Variants in VPS37D observed in about 807,000 individuals in gnomAD.
VPS37D encodes the protein VPS37D subunit of ESCRT-I.
Under a neutral mutation model 22.0 loss-of-function variants are expected in VPS37D, and 5 were observed. That is an observed-to-expected ratio of 0.23 (90% CI 0.12 to 0.48). The LOEUF is 0.48. Ranked by LOEUF, VPS37D falls within the 20% of genes least tolerant of loss-of-function variation. VPS37D has a pLI of 0.99. For synonymous variants in VPS37D, 174 were observed against 159.3 expected (o/e 1.09, Z -0.69); for missense variants, 384 against 345.8 (o/e 1.11, Z -0.88).
At chr7:73,669,999 C>G in intron 2 of VPS37D, 21 bp from the exon 3 acceptor site, 1 of 1,551,594 alleles carries the variant, frequency 6.4e-7, no homozygotes, top group South Asian at 1.2e-5. Flanking sequence ...GTCTGTCACT[C>G]TGTCCCTCTG....
rs1210166917 is a variant in VPS37D, at chr7:73,671,456, G to T, written c.*80G>T. On this transcript the variant is annotated 3_prime_UTR_variant, in exon 4 of 4. Transcript: ENST00000324941. ...CCTCCTCCTCCCCCACTGCCTGGGT[G>T]GGGGGAGGGGCAGGCCCCTCCCCCT... 4.5e-5 allele frequency: 30 copies of T among 670,172 alleles called. No homozygotes were observed. The highest frequency in any genetic ancestry group is 7.6e-5 in the African/African-American group (4 of 52,362). 41.5% of individuals were successfully genotyped at this position (670,172 alleles called of 1,614,324 possible).
chr7:73,671,507 A>G lies in VPS37D; in HGVS notation c.*131A>G, dbSNP rs1399857784. ...GGCCTCAGGCAGGCCCTGGCCCTGG[A>G]GGCTGAGCTGGGGAGGAGGGTCCCC... On this transcript the variant is annotated 3_prime_UTR_variant, in exon 4 of 4. Coordinates refer to ENST00000324941, the MANE Select transcript of VPS37D (RefSeq NM_001077621.2). The G allele has an allele frequency of 6.7e-6, 1 of 148,278 alleles. No individual in the cohort carries two copies. Among genetic ancestry groups the G allele is most frequent in the South Asian group, 1.2e-4 (1 of 8,426 alleles). 9.2% of individuals were successfully genotyped at this position (148,278 alleles called of 1,614,324 possible). A position where few individuals can be genotyped will look rare whatever the true frequency, so the allele number is the denominator to read the frequency against.
rs1554609745 is a variant in VPS37D, at chr7:73,671,305, C to T, written c.685C>T (p.Pro229Ser). The T allele has an allele frequency of 7.1e-7, 1 of 1,400,312 alleles. No homozygotes were observed. Among genetic ancestry groups the T allele is most frequent in the Non-Finnish European group, 9.3e-7 (1 of 1,078,224 alleles). 86.7% of individuals were successfully genotyped at this position (1,400,312 alleles called of 1,614,324 possible). A position where few individuals can be genotyped will look rare whatever the true frequency, so the allele number is the denominator to read the frequency against. ...SRPVPPLKGS[P>S]GCPLGPAPLL... is the part of the protein sequence containing the mutation. ...CCCAGTGCCCCCACTGAAGGGCTCC[C>T]CCGGGTGCCCCCTCGGCCCGGCCCC... The change falls in exon 4 of 4, where the codon CCC becomes TCC. Residue 229 changes from proline to serine, a missense_variant. Coordinates refer to ENST00000324941, the MANE Select transcript of VPS37D (RefSeq NM_001077621.2).
At chr7:73,667,203 T>G (rs1797393482), upstream of VPS37D, among the ~76,000 whole-genome samples, 2 of 151,858 alleles carry the variant, frequency 1.3e-5, no homozygotes, top group Non-Finnish European at 2.9e-5. Flanking sequence ...CTCGATCTCC[T>G]GACCTCGTGA....
chr7:73,669,931 A>G, intron 2 of VPS37D, 89 bp from the exon 3 acceptor site: 2 of 1,541,244 alleles, frequency 1.3e-6, no homozygotes, highest in Non-Finnish European at 1.8e-6. Context: ...ACCAGGGGAA[A>G]GGGAAATATA....
chr7:73,668,060 G>A lies in VPS37D; in HGVS notation c.102G>A (p.Glu34=). The A allele has an allele frequency of 8.6e-7, 1 of 1,159,072 alleles. No homozygotes were observed. The highest frequency in any genetic ancestry group is 1.7e-5 in the African/African-American group (1 of 60,408). 71.8% of individuals were successfully genotyped at this position (1,159,072 alleles called of 1,614,324 possible). Residue 34 remains glutamate, a synonymous_variant, in exon 1 of 4, where the codon GAG becomes GAA. Transcript: ENST00000324941. ...TGQLRDLLQD[E]PKLDRIVRLS... The stretch of plus-strand genomic sequence containing the variant: ...AGCTCCGGGACCTGCTTCAGGATGA[G>A]CCCAAGCTGGACCGGATCGTGCGGC...
chr7:73,670,214 C>A, intron 3 of VPS37D, 112 bp downstream of exon 3: 1 of 1,492,322 alleles, frequency 6.7e-7, no homozygotes, highest in Non-Finnish European at 9.0e-7. Context: ...GGAAGTCCAC[C>A]CTGAATGCCT....
rs1797423331 is a variant in VPS37D, at chr7:73,668,115, G to A, written c.138+19G>A. On this transcript the variant is annotated intron_variant, in intron 1 of 3. Coordinates refer to ENST00000324941, the MANE Select transcript of VPS37D (RefSeq NM_001077621.2). Reference sequence around the variant, plus strand: ...CAGGAAGGTAGCGCGGGGGGCTCGAGCGGGGGGCGCGGGGGACGGGCAGCG... The same window carrying A: ...CAGGAAGGTAGCGCGGGGGGCTCGAACGGGGGGCGCGGGGGACGGGCAGCG... The A allele has an allele frequency of 9.2e-7, 1 of 1,082,326 alleles. No homozygotes were observed. The allele number at this position is 1,082,326 out of a possible 1,614,324, so 67.0% of individuals were successfully genotyped here. A position where few individuals can be genotyped will look rare whatever the true frequency, so the allele number is the denominator to read the frequency against.
At position 73,668,103 on chromosome 7, in the gene VPS37D, C is replaced by CG. The variant is rs1209558372; in HGVS notation, c.138+13dup. 15 of 1,081,910 alleles carry CG rather than the reference C, an allele frequency of 1.4e-5. No homozygotes were observed. Among genetic ancestry groups the CG allele is most frequent in the Non-Finnish European group, 1.6e-5 (14 of 885,638 alleles). 67.0% of individuals were successfully genotyped at this position (1,081,910 alleles called of 1,614,324 possible). A position where few individuals can be genotyped will look rare whatever the true frequency, so the allele number is the denominator to read the frequency against. ...CGTGCGGCTCAGCAGGAAGGTAGCG[C>CG]GGGGGGCTCGAGCGGGGGGCGCGGG... On this transcript the variant is annotated splice_region_variant and intron_variant, in intron 1 of 3. Coordinates refer to ENST00000324941, the MANE Select transcript of VPS37D (RefSeq NM_001077621.2).
Position 73,671,433 on chromosome 7 carries a change from TCCTC to T in VPS37D, c.*59_*62del. On this transcript the variant is annotated 3_prime_UTR_variant, in exon 4 of 4. Transcript: ENST00000324941. ...CTAGACAAACTTGATGCGTGGCTCC[TCCTC>T]CTCCCCCACTGCCTGGGTGGGGGGA... The T allele has an allele frequency of 9.5e-7, 1 of 1,050,012 alleles. No homozygotes were observed. The highest frequency in any genetic ancestry group is 1.3e-6 in the Non-Finnish European group (1 of 797,604). The allele number at this position is 1,050,012 out of a possible 1,614,324, so 65.0% of individuals were successfully genotyped here. A position where few individuals can be genotyped will look rare whatever the true frequency, so the allele number is the denominator to read the frequency against.
Position 73,669,449 on chromosome 7 carries a change from T to G in VPS37D, c.169T>G (p.Cys57Gly). Residue 57 changes from cysteine (C) to glycine (G), a missense_variant, in exon 2 of 4, where the codon TGC becomes GGC. Transcript: ENST00000324941. Reference sequence around the variant, plus strand: ...GGGCCTGCAGCTGGAGCGTGAGGCCTGCCTGGCCTCCAACTACGCGCTGGC... The same window carrying G: ...GGGCCTGCAGCTGGAGCGTGAGGCCGGCCTGGCCTCCAACTACGCGCTGGC... ...FQGLQLEREACLASNYALAKE... is the reference protein window; with the variant it reads ...FQGLQLEREAGLASNYALAKE... 6.4e-7 allele frequency: 1 copy of G among 1,573,970 alleles called. No individual in the cohort carries two copies. The highest frequency in any genetic ancestry group is 8.6e-7 in the Non-Finnish European group (1 of 1,160,464).
In VPS37D at chr7:73,671,399, T is replaced by G. The variant is rs1280048207; in HGVS notation, c.*23T>G. 6 of 1,337,206 alleles carry G rather than the reference T, an allele frequency of 4.5e-6. No individual in the cohort carries two copies. Among genetic ancestry groups the G allele is most frequent in the South Asian group, 3.5e-5 (2 of 57,364 alleles). 82.8% of individuals were successfully genotyped at this position (1,337,206 alleles called of 1,614,324 possible). ...TAGGATCCACGGTGCGGCCCCCCAG[T>G]TGGGGGGCCTAGACAAACTTGATGC... On this transcript the variant is annotated 3_prime_UTR_variant, in exon 4 of 4. Coordinates refer to ENST00000324941, the MANE Select transcript of VPS37D (RefSeq NM_001077621.2).
chr7:73,671,735 C>G lies in VPS37D; in HGVS notation c.*359C>G, dbSNP rs1797522337. The G allele has an allele frequency of 6.5e-6, 1 of 154,596 alleles. No homozygotes were observed. The highest frequency in any genetic ancestry group is 6.5e-5 in the Admixed American group (1 of 15,346). The allele number at this position is 154,596 out of a possible 1,614,324, so 9.6% of individuals were successfully genotyped here. A position where few individuals can be genotyped will look rare whatever the true frequency, so the allele number is the denominator to read the frequency against. The stretch of plus-strand genomic sequence containing the variant: ...CCTTGCCAAGGGGACCTGTCGCACC[C>G]CACCACTCCACTGGGCTCGCACAAC... On this transcript the variant is annotated 3_prime_UTR_variant, in exon 4 of 4. Transcript: ENST00000324941.
chr7:73,671,092 G>A lies in VPS37D; in HGVS notation c.472G>A (p.Ala158Thr), dbSNP rs781942300. The change falls in exon 4 of 4, where the codon GCC becomes ACC. Residue 158 changes from alanine (A) to threonine (T), a missense_variant. Coordinates refer to ENST00000324941, the MANE Select transcript of VPS37D (RefSeq NM_001077621.2). ...LPAFQRGRAL[A>T]HLRRTQAEKL... ...TGCCTTCCAGCGTGGCCGCGCCCTG[G>A]CCCACCTGAGGCGGACGCAGGCAGA... 9.9e-6 allele frequency: 16 copies of A among 1,610,590 alleles called. No homozygotes were observed. Among genetic ancestry groups the A allele is most frequent in the Non-Finnish European group, 1.2e-5 (14 of 1,179,604 alleles).
In VPS37D at chr7:73,671,525, G is replaced by A. The variant is rs1472126945; in HGVS notation, c.*149G>A. The A allele has an allele frequency of 1.0e-5, 4 of 392,140 alleles. No homozygotes were observed. Among genetic ancestry groups the A allele is most frequent in the Middle Eastern group, 6.6e-4 (1 of 1,526 alleles). The allele number at this position is 392,140 out of a possible 1,614,324, so 24.3% of individuals were successfully genotyped here. A position where few individuals can be genotyped will look rare whatever the true frequency, so the allele number is the denominator to read the frequency against. On this transcript the variant is annotated 3_prime_UTR_variant, in exon 4 of 4. Transcript: ENST00000324941. ...GCCCTGGAGGCTGAGCTGGGGAGGA[G>A]GGTCCCCTGGAAGAGGCCCGAGAGG...
chr7:73,668,449 A>ACTGGGAGAACTAGGGGC (rs1554609054), intron 1 of VPS37D, among the ~76,000 whole-genome samples: 1 of 149,702 alleles, frequency 6.7e-6, no homozygotes, highest in African/African-American at 2.5e-5. Context: ...GGCGCCTTCC[A>ACTGGGAGAACTAGGGGC]CTGGGAGAAC....
chr7:73,671,233 C>T lies in VPS37D; in HGVS notation c.613C>T (p.Arg205Trp), dbSNP rs532291209. The change falls in exon 4 of 4, where the codon CGG becomes TGG. Residue 205 changes from arginine (R) to tryptophan (W), a missense_variant. Transcript: ENST00000324941. ...AAAVLPTGAA[R>W]GPPAVPRSLP... ...AGCTGTCCTGCCCACTGGGGCCGCC[C>T]GGGGGCCACCAGCAGTGCCCCGGAG... The T allele has an allele frequency of 8.7e-5, 135 of 1,551,216 alleles. No individual in the cohort carries two copies. The African/African-American group carries it at 1.2e-3, about 13-fold the overall frequency.
chr7:73,667,576 T>C (rs1356958286), upstream of VPS37D, among the ~76,000 whole-genome samples: 2 of 152,152 alleles, frequency 1.3e-5, no homozygotes, highest in Non-Finnish European at 2.9e-5. Context: ...GCACGGGCTC[T>C]GCAAATTGTA....
At chr7:73,665,542 A>G (rs565320410), upstream of VPS37D, among the ~76,000 whole-genome samples, 1 of 152,250 alleles carries the variant, frequency 6.6e-6, no homozygotes, top group Non-Finnish European at 1.5e-5. Context: ...AAAAATGTAG[A>G]ACTGTTTTTA....
Sources: allele counts gnomAD v4.1 joint callset (sites outside exome capture counted in the v4.1 genomes callset), GRCh38; gene constraint gnomAD v4.1.1; transcripts MANE v1.5; gene names NCBI Gene and HGNC (gene_info 2026-07-23, HGNC 2026-07-21).